The following CYRIB variants were observed in gnomAD, a reference collection of about 807,000 sequenced individuals.
CYRIB encodes the protein CYFIP related Rac1 interactor B, also known as CYFIP-related Rac1 interactor B.
A neutral mutation model predicts 44.2 loss-of-function variants in CYRIB; 8 were observed. The observed-to-expected ratio is 0.18, with a 90% confidence interval of 0.11 to 0.33. The LOEUF (loss-of-function observed/expected upper bound fraction) is 0.33. CYRIB is among the 10% of genes least tolerant of loss of function. The pLI, the probability that CYRIB is intolerant of heterozygous loss-of-function variation, is 1.00. For missense variants in CYRIB, 185 were observed against 382.8 expected, an observed-to-expected ratio of 0.48 and a Z score of 4.31; for synonymous variants, 131 against 127.2, an observed-to-expected ratio of 1.03 and a Z score of -0.20.
intron 11 of CYRIB, among the ~76,000 whole-genome samples, chr8:129,846,378 A>G (rs964353972): frequency 6.6e-6 from 1 of 152,250 alleles, no homozygotes; most frequent in African/African-American, 2.4e-5. Flanking sequence ...TATTATCTAT[A>G]TATGTAAAGA....
chr8:129,966,444 T>A (rs1439493788), intron 2 of CYRIB, among the ~76,000 whole-genome samples: 1 of 152,218 alleles, frequency 6.6e-6, no homozygotes, highest in Non-Finnish European at 1.5e-5. Flanking sequence ...TGTTTTGTTT[T>A]TAAATACAAA....
rs76856626 is a variant in CYRIB at position 130,005,384 on chromosome 8, C to G, written c.-296+10986G>C. On this transcript the variant is annotated intron_variant, in intron 1 of 14. Coordinates refer to the CYRIB transcript ENST00000401979. ...CAGGCTATCTGGTCAAAAGAACTCG[C>G]CCTCCTCACTGCTGGGTCCCTTAGC... Among the ~76,000 whole-genome samples, 340 of 152,292 alleles carry G rather than the reference C, an allele frequency of 2.2e-3. 3 individuals carry two copies. Among genetic ancestry groups the G allele is most frequent in the African/African-American group, 7.8e-3 (324 of 41,546 alleles).
At chr8:129,910,403 T>G (rs2077333258) in intron 1 of CYRIB, among the ~76,000 whole-genome samples, 1 of 152,100 alleles carries the variant, frequency 6.6e-6, no homozygotes, top group South Asian at 2.1e-4. Context: ...AAAGATACAT[T>G]CTAATTAACA....
chr8:129,963,620 G>A (rs1391515538), intron 2 of CYRIB, among the ~76,000 whole-genome samples: 1 of 152,218 alleles, frequency 6.6e-6, no homozygotes, highest in Non-Finnish European at 1.5e-5. Flanking sequence ...GGAATTACTA[G>A]TTGGAGGAGT....
At chr8:129,967,658 C>G (rs1014263013) in intron 2 of CYRIB, among the ~76,000 whole-genome samples, 2 of 152,156 alleles carry the variant, frequency 1.3e-5, no homozygotes, top group Admixed American at 6.5e-5. Flanking sequence ...GGATTACAGG[C>G]GTGAGCCACC....
intron 4 of CYRIB, among the ~76,000 whole-genome samples, chr8:129,869,469 G>A (rs1262922592): frequency 6.7e-6 from 1 of 149,788 alleles, no homozygotes; most frequent in African/African-American, 2.5e-5. Context: ...ATAACAACAA[G>A]CTTTAAAGAA....
intron 4 of CYRIB, among the ~76,000 whole-genome samples, chr8:129,866,925 A>G (rs771651530): frequency 6.6e-6 from 1 of 152,268 alleles, no homozygotes; most frequent in Non-Finnish European, 1.5e-5. Context: ...ATTATAGCCC[A>G]ACATGCAAAA....
At chr8:129,861,982 A>G (rs2049965958) in intron 5 of CYRIB, among the ~76,000 whole-genome samples, 1 of 152,180 alleles carries the variant, frequency 6.6e-6, no homozygotes. Flanking sequence ...ATCAATGCTC[A>G]GATTCATGTA....
chr8:129,987,451 C>A (rs1333167893), intron 1 of CYRIB, among the ~76,000 whole-genome samples: 1 of 152,062 alleles, frequency 6.6e-6, no homozygotes, highest in Non-Finnish European at 1.5e-5. Context: ...TGAGCTAAGT[C>A]CCCAAGCCCT....
intron 2 of CYRIB, among the ~76,000 whole-genome samples, chr8:129,957,972 A>AG (rs2094962161): frequency 6.6e-6 from 1 of 151,494 alleles, no homozygotes; most frequent in Non-Finnish European, 1.5e-5. Context: ...CTCAAAAAAA[A>AG]AAAAAAAAAT....
At chr8:129,862,475 A>G (rs1284432083) in intron 4 of CYRIB, 141 bp from the exon 7 acceptor site, 3 of 723,268 alleles carry the variant, frequency 4.1e-6, no homozygotes, top group Non-Finnish European at 6.7e-6. Context: ...GGAGTGTTGA[A>G]TATTTTTTTT....
chr8:129,932,649 A>C (rs750938162), intron 1 of CYRIB, among the ~76,000 whole-genome samples: 1 of 152,208 alleles, frequency 6.6e-6, no homozygotes, highest in Non-Finnish European at 1.5e-5. Context: ...AGATTCCATG[A>C]AAATATGGCA....
chr8:129,944,163 C>G (rs956441281), upstream of CYRIB, among the ~76,000 whole-genome samples: 2 of 152,166 alleles, frequency 1.3e-5, no homozygotes, highest in African/African-American at 4.8e-5. Context: ...ATCAGGATCA[C>G]TCTGACCACA....
chr8:129,893,679 C>T (rs1382486555), intron 2 of CYRIB, among the ~76,000 whole-genome samples: 1 of 152,162 alleles, frequency 6.6e-6, no homozygotes, highest in East Asian at 1.9e-4. Context: ...TCCTCTCTCA[C>T]TGAAGATAAT....
chr8:129,954,090 C>T (rs2094650976), intron 2 of CYRIB, among the ~76,000 whole-genome samples: 1 of 152,032 alleles, frequency 6.6e-6, no homozygotes, highest in South Asian at 2.1e-4. Flanking sequence ...AGAACGTATC[C>T]CTCTCCCCAA....
intron 1 of CYRIB, among the ~76,000 whole-genome samples, chr8:129,915,298 T>A (rs796863119): frequency 5.3e-5 from 8 of 152,274 alleles, no homozygotes; most frequent in African/African-American, 1.9e-4. Context: ...AGAATACTAT[T>A]CAGCAATAAA....
chr8:129,876,044 T>C (rs1316906034), intron 3 of CYRIB, among the ~76,000 whole-genome samples: 2 of 150,626 alleles, frequency 1.3e-5, no homozygotes, highest in Non-Finnish European at 3.0e-5. Context: ...AACCCAGAAG[T>C]GGAGAATGCA....
At chr8:130,013,436 G>A (rs995969492) in intron 1 of CYRIB, among the ~76,000 whole-genome samples, 4 of 152,214 alleles carry the variant, frequency 2.6e-5, no homozygotes, top group Non-Finnish European at 4.4e-5. Flanking sequence ...GGAAAAGAGG[G>A]GGCCGAGAGT....
At chr8:129,988,244 G>C (rs2096534875) in intron 1 of CYRIB, among the ~76,000 whole-genome samples, 1 of 152,182 alleles carries the variant, frequency 6.6e-6, no homozygotes, top group Admixed American at 6.5e-5. Context: ...GGCCAGGGCA[G>C]GTGTCTTCCG....
Sources: allele counts gnomAD v4.1 joint callset (sites outside exome capture counted in the v4.1 genomes callset), GRCh38; gene constraint gnomAD v4.1.1; transcripts MANE v1.5; gene names NCBI Gene and HGNC (gene_info 2026-07-23, HGNC 2026-07-21).